The following CSMD3 variants were observed in gnomAD, a reference collection of about 807,000 sequenced individuals.
The protein encoded by CSMD3 is CUB and sushi domain-containing protein 3.
Under a neutral mutation model 435.2 loss-of-function variants are expected in CSMD3, and 177 were observed. The ratio of observed to expected loss-of-function variants is 0.41; its 90% CI spans 0.36 to 0.46. The LOEUF (loss-of-function observed/expected upper bound fraction) is 0.46. Ranked by LOEUF, CSMD3 falls within the 20% of genes least tolerant of loss-of-function variation. The probability of loss-of-function intolerance (pLI) is 0.34; values close to 1 mark genes in which losing one functional copy is unlikely to be tolerated. For missense variants in CSMD3, 4,265 were observed against 4,504.6 expected (o/e 0.95, Z 1.52); for synonymous variants, 1,656 against 1,520.5 (o/e 1.09, Z -2.07).
rs1011016437 is a variant in CSMD3 at position 112,879,385 on chromosome 8, G to A, written c.1634-20119C>T. Among the ~76,000 whole-genome samples the A allele has an allele frequency of 5.9e-5, 9 of 152,078 alleles. No homozygotes were observed. In the East Asian group the frequency reaches 1.4e-3, roughly 23 times the overall value. ...GATGGGTTCTCTGCCCTTGAACCGT[G>A]TTTCCTGCTAAGATGTTTATCAATG... On this transcript the variant is annotated intron_variant, in intron 10 of 70. Coordinates refer to ENST00000297405, the MANE Select transcript of CSMD3 (RefSeq NM_198123.2).
chr8:112,883,890 C>G (rs963125859), intron 10 of CSMD3, among the ~76,000 whole-genome samples: 2 of 151,726 alleles, frequency 1.3e-5, no homozygotes, highest in African/African-American at 2.4e-5. Flanking sequence ...CTTAATAAAA[C>G]CAATGTGGAA....
intron 27 of CSMD3, among the ~76,000 whole-genome samples, chr8:112,521,980 T>C (rs1165852242): frequency 1.3e-5 from 2 of 151,738 alleles, no homozygotes; most frequent in African/African-American, 4.8e-5. Flanking sequence ...ACATAAGAAA[T>C]AGAGTGAACA....
intron 1 of CSMD3, among the ~76,000 whole-genome samples, chr8:113,382,935 C>T (rs1485407629): frequency 4.6e-5 from 7 of 152,178 alleles, no homozygotes; most frequent in East Asian, 3.9e-4. Flanking sequence ...GAGCTGAGAT[C>T]GTGCCACTGC....
intron 32 of CSMD3, among the ~76,000 whole-genome samples, chr8:112,415,648 C>T (rs180705558): frequency 7.2e-5 from 11 of 152,304 alleles, no homozygotes; most frequent in Admixed American, 2.6e-4. Flanking sequence ...GTCACAGATG[C>T]TCAATGCCAG....
intron 30 of CSMD3, among the ~76,000 whole-genome samples, chr8:112,499,819 G>A (rs1382895210): frequency 2.5e-5 from 3 of 118,172 alleles, no homozygotes; most frequent in African/African-American, 6.4e-5. Flanking sequence ...GAAAAAATGC[G>A]AATTAATAAG....
chr8:113,025,404 T>C (rs997349808), intron 5 of CSMD3, among the ~76,000 whole-genome samples: 3 of 152,178 alleles, frequency 2.0e-5, no homozygotes, highest in Non-Finnish European at 4.4e-5. Flanking sequence ...AGTGTGTCAG[T>C]GCTCTGGACT....
At chr8:112,435,814 CTCTG>C (rs1484235229) in intron 32 of CSMD3, among the ~76,000 whole-genome samples, 1 of 151,858 alleles carries the variant, frequency 6.6e-6, no homozygotes, top group Non-Finnish European at 1.5e-5. Flanking sequence ...CATTTTTCCT[CTCTG>C]TATTTTTTCA....
chr8:112,438,536 T>C (rs532895670), intron 32 of CSMD3, among the ~76,000 whole-genome samples: 2 of 152,174 alleles, frequency 1.3e-5, no homozygotes, highest in African/African-American at 4.8e-5. Context: ...GGATTTGCTA[T>C]TTGAAATATG....
chr8:112,878,776 G>T (rs755377650), intron 10 of CSMD3, among the ~76,000 whole-genome samples: 1 of 152,124 alleles, frequency 6.6e-6, no homozygotes, highest in African/African-American at 2.4e-5. Context: ...GGTGTTGCAG[G>T]AAGTCAGGGA....
At chr8:113,397,493 C>T (rs1242741083) in intron 1 of CSMD3, among the ~76,000 whole-genome samples, 4 of 151,906 alleles carry the variant, frequency 2.6e-5, no homozygotes, top group African/African-American at 9.7e-5. Context: ...TTTTGAATCT[C>T]TAATACTTCT....
At chr8:112,504,136 C>A (rs1274600214) in intron 29 of CSMD3, among the ~76,000 whole-genome samples, 159 bp from the exon 30 acceptor site, 1 of 151,994 alleles carries the variant, frequency 6.6e-6, no homozygotes, top group Non-Finnish European at 1.5e-5. Context: ...CACCTGGCAA[C>A]AACATATTTA....
At chr8:112,281,135 A>C (rs767027764) in intron 59 of CSMD3, 39 bp downstream of exon 59, 2 of 1,453,798 alleles carry the variant, frequency 1.4e-6, no homozygotes, top group Non-Finnish European at 1.9e-6. Flanking sequence ...CAATACTTTC[A>C]TATAATTACT....
intron 40 of CSMD3, among the ~76,000 whole-genome samples, chr8:112,349,998 C>T (rs185578927): frequency 1.6e-4 from 24 of 152,114 alleles, no homozygotes; most frequent in African/African-American, 5.8e-4. Context: ...TCCAATAGGA[C>T]TGGTGTCCTT....
At chr8:112,772,992 C>G (rs1221027469) in intron 13 of CSMD3, among the ~76,000 whole-genome samples, 2 of 151,988 alleles carry the variant, frequency 1.3e-5, no homozygotes, top group Non-Finnish European at 2.9e-5. Context: ...AACTCAGAGG[C>G]CGGTCCCAGC....
chr8:112,653,403 G>A (rs2075179034), intron 18 of CSMD3, among the ~76,000 whole-genome samples: 1 of 151,646 alleles, frequency 6.6e-6, no homozygotes, highest in Admixed American at 6.6e-5. Flanking sequence ...ACATCTATAC[G>A]TTCATATGAA....
At chr8:112,783,571 A>G (rs1483918551) in intron 13 of CSMD3, among the ~76,000 whole-genome samples, 2 of 152,082 alleles carry the variant, frequency 1.3e-5, no homozygotes, top group Non-Finnish European at 1.5e-5. Flanking sequence ...TAACAAAATG[A>G]AGGTAGTGAA....
At chr8:112,782,202 T>A (rs2078406889) in intron 13 of CSMD3, among the ~76,000 whole-genome samples, 1 of 142,424 alleles carries the variant, frequency 7.0e-6, no homozygotes, top group Non-Finnish European at 1.5e-5. Context: ...AGAGAAGGAA[T>A]TAGAATCCTA....
intron 1 of CSMD3, among the ~76,000 whole-genome samples, chr8:113,329,551 A>G (rs148243623): frequency 1.0e-3 from 158 of 152,288 alleles, no homozygotes; most frequent in Non-Finnish European, 1.9e-3. Flanking sequence ...CCCAGAGAAG[A>G]TGCAAGAGGT....
At chr8:112,911,390 T>C (rs1051461890) in intron 10 of CSMD3, among the ~76,000 whole-genome samples, 2 of 151,874 alleles carry the variant, frequency 1.3e-5, no homozygotes, top group African/African-American at 2.4e-5. Flanking sequence ...TACTTTTGTG[T>C]GGCGAAAACA....
Sources: allele counts gnomAD v4.1 joint callset (sites outside exome capture counted in the v4.1 genomes callset), GRCh38; gene constraint gnomAD v4.1.1; transcripts MANE v1.5; gene names NCBI Gene and HGNC (gene_info 2026-07-23, HGNC 2026-07-21).